The following FGGY variants were observed in gnomAD, a reference collection of about 807,000 sequenced individuals.
FGGY encodes FGGY carbohydrate kinase domain containing.
FGGY carries 72 observed loss-of-function variants against 71.3 expected under a neutral mutation model. The observed-to-expected ratio is 1.01, with a 90% CI of 0.84 to 1.23. The LOEUF (loss-of-function observed/expected upper bound fraction) is 1.23, where lower values mean the gene tolerates loss of function less well. Ranked by LOEUF, FGGY falls within the 50% of genes most tolerant of loss-of-function variation. The pLI, the probability that FGGY is intolerant of heterozygous loss-of-function variation, is 0.00. For missense variants in FGGY, 668 were observed against 682.3 expected (o/e 0.98, Z 0.23); for synonymous variants, 251 against 250.3 (o/e 1.00, Z -0.02).
intron 14 of FGGY, among the ~76,000 whole-genome samples, chr1:59,676,520 T>C (rs1403444702): frequency 1.3e-5 from 2 of 151,506 alleles, no homozygotes; most frequent in African/African-American, 4.9e-5. Flanking sequence ...ACTCATGGCT[T>C]CATTGATATC....
chr1:59,544,167 A>G (rs1306392356), intron 7 of FGGY, among the ~76,000 whole-genome samples: 1 of 152,206 alleles, frequency 6.6e-6, no homozygotes, highest in Non-Finnish European at 1.5e-5. Context: ...AACAAGAGAG[A>G]AGCATACACA....
chr1:59,526,737 C>T (rs747760682), intron 7 of FGGY, among the ~76,000 whole-genome samples: 4 of 152,182 alleles, frequency 2.6e-5, no homozygotes, highest in Non-Finnish European at 5.9e-5. Context: ...CCTCGCCATT[C>T]AAATGTGCGA....
intron 4 of FGGY, among the ~76,000 whole-genome samples, chr1:59,370,093 G>A (rs148554430): frequency 1.4e-4 from 22 of 152,118 alleles, no homozygotes; most frequent in Non-Finnish European, 3.2e-4. Flanking sequence ...AGAGAAGAAG[G>A]CTTCAGAAGA....
chr1:59,598,358 A>C (rs2096543872), intron 8 of FGGY, among the ~76,000 whole-genome samples: 1 of 152,238 alleles, frequency 6.6e-6, no homozygotes, highest in South Asian at 2.1e-4. Flanking sequence ...GGGTGCATTA[A>C]CTATAAATGA....
At chr1:59,494,493 G>A (rs1047554068) in intron 6 of FGGY, among the ~76,000 whole-genome samples, 1 of 152,126 alleles carries the variant, frequency 6.6e-6, no homozygotes, top group Non-Finnish European at 1.5e-5. Context: ...CAAGTGATGG[G>A]GTAAGAGGTG....
intron 1 of FGGY, among the ~76,000 whole-genome samples, chr1:59,303,216 C>G (rs1002166147): frequency 1.3e-5 from 2 of 152,148 alleles, no homozygotes; most frequent in African/African-American, 2.4e-5. Flanking sequence ...CATTAGATCT[C>G]CAGAATTTTT....
At chr1:59,724,553 G>C (rs751714301) in intron 14 of FGGY, among the ~76,000 whole-genome samples, 1 of 150,942 alleles carries the variant, frequency 6.6e-6, no homozygotes, top group Non-Finnish European at 1.5e-5. Flanking sequence ...ACTCCTTGAC[G>C]ATCACTGATC....
At chr1:59,323,998 G>T (rs2046875129) in intron 2 of FGGY, among the ~76,000 whole-genome samples, 1 of 152,156 alleles carries the variant, frequency 6.6e-6, no homozygotes, top group Non-Finnish European at 1.5e-5. Context: ...CTGGTCTAGG[G>T]CAAAGGGTGG....
At chr1:59,418,483 G>A (rs2064852870) in intron 5 of FGGY, among the ~76,000 whole-genome samples, 1 of 152,062 alleles carries the variant, frequency 6.6e-6, no homozygotes, top group Middle Eastern at 3.4e-3. Context: ...GAGCAGGAAG[G>A]GAAGGAGGAA....
chr1:59,403,798 G>T (rs1259242227), intron 5 of FGGY, among the ~76,000 whole-genome samples: 1 of 152,208 alleles, frequency 6.6e-6, no homozygotes, highest in Non-Finnish European at 1.5e-5. Context: ...TCTGGAGCCA[G>T]ACTGCATGGC....
At chr1:59,520,413 C>T (rs2094793121) in intron 7 of FGGY, among the ~76,000 whole-genome samples, 1 of 152,214 alleles carries the variant, frequency 6.6e-6, no homozygotes, top group Non-Finnish European at 1.5e-5. Flanking sequence ...GCACATTCCA[C>T]CTCCTTTCCT....
intron 6 of FGGY, among the ~76,000 whole-genome samples, chr1:59,485,107 G>C (rs1051955798): frequency 6.6e-6 from 1 of 152,152 alleles, no homozygotes; most frequent in Non-Finnish European, 1.5e-5. Context: ...CCAAAGCTTT[G>C]AATAAAATAG....
At chr1:59,687,648 T>A (rs979983770) in intron 14 of FGGY, among the ~76,000 whole-genome samples, 8 of 149,570 alleles carry the variant, frequency 5.3e-5, no homozygotes, top group Non-Finnish European at 7.4e-5. Context: ...TTTTTTTTTT[T>A]AAGTAGAGAT....
At chr1:59,592,966 AAAAT>A (rs538595539) in intron 8 of FGGY, among the ~76,000 whole-genome samples, 124 of 136,986 alleles carry the variant, frequency 9.1e-4, no homozygotes, top group African/African-American at 3.9e-3. Context: ...TAAAAATAAA[AAAAT>A]AAAAGAGAAA....
At chr1:59,379,749 T>C (rs1238016213) in intron 5 of FGGY, among the ~76,000 whole-genome samples, 1 of 152,184 alleles carries the variant, frequency 6.6e-6, no homozygotes, top group African/African-American at 2.4e-5. Context: ...ACAAACACAT[T>C]ATACAGCTGT....
intron 10 of FGGY, among the ~76,000 whole-genome samples, chr1:59,627,748 C>T (rs979101583): frequency 7.9e-5 from 12 of 151,494 alleles, no homozygotes; most frequent in African/African-American, 2.4e-5. Context: ...AATTATGGTG[C>T]CAGAAAGAAA....
At chr1:59,514,863 G>T (rs903317367) in intron 7 of FGGY, among the ~76,000 whole-genome samples, 2 of 152,054 alleles carry the variant, frequency 1.3e-5, no homozygotes, top group Non-Finnish European at 2.9e-5. Flanking sequence ...CCTTGTCTCG[G>T]GTATGTCTTT....
At chr1:59,724,228 C>T (rs2097920877) in intron 14 of FGGY, among the ~76,000 whole-genome samples, 1 of 151,748 alleles carries the variant, frequency 6.6e-6, no homozygotes, top group Non-Finnish European at 1.5e-5. Context: ...CCTGTAATCC[C>T]AGCACTTTGG....
intron 7 of FGGY, among the ~76,000 whole-genome samples, chr1:59,518,215 C>T (rs992479494): frequency 1.3e-5 from 2 of 152,108 alleles, no homozygotes; most frequent in Non-Finnish European, 2.9e-5. Flanking sequence ...CAAAAAGGGC[C>T]TTTGGTTCAT....
Sources: allele counts gnomAD v4.1 joint callset (sites outside exome capture counted in the v4.1 genomes callset), GRCh38; gene constraint gnomAD v4.1.1; transcripts MANE v1.5; gene names NCBI Gene and HGNC (gene_info 2026-07-23, HGNC 2026-07-21).